FGF14: variants seen among roughly 807,000 people sequenced by gnomAD.
The protein encoded by FGF14 is fibroblast growth factor 14.
FGF14 carries 5 observed loss-of-function variants against 25.5 expected under a neutral mutation model. The ratio of observed to expected loss-of-function variants is 0.20; its 90% confidence interval spans 0.10 to 0.41. The LOEUF (loss-of-function observed/expected upper bound fraction) is 0.41. FGF14 is among the 10% of genes least tolerant of loss of function. The probability of loss-of-function intolerance (pLI) is 1.00; values close to 1 mark genes in which losing one functional copy is unlikely to be tolerated. For synonymous variants in FGF14, 138 were observed against 118.3 expected (o/e 1.17, Z -1.08); for missense variants, 222 against 320.1 (o/e 0.69, Z 2.34).
chr13:102,354,771 G>C (rs377496656), intron 1 of FGF14, among the ~76,000 whole-genome samples: 2 of 152,156 alleles, frequency 1.3e-5, no homozygotes, highest in South Asian at 4.1e-4. Flanking sequence ...CAATATTGTT[G>C]AAAGAATCAT....
At chr13:101,992,363 C>G (rs2038958464) in intron 1 of FGF14, among the ~76,000 whole-genome samples, 1 of 152,060 alleles carries the variant, frequency 6.6e-6, no homozygotes, top group African/African-American at 2.4e-5. Context: ...ATTAAAGGGC[C>G]ATTGACTCCA....
At chr13:101,993,890 T>C (rs1421163799) in intron 1 of FGF14, among the ~76,000 whole-genome samples, 3 of 151,804 alleles carry the variant, frequency 2.0e-5, no homozygotes, top group African/African-American at 7.3e-5. Flanking sequence ...CTGCACATTG[T>C]GCACATGTAC....
chr13:101,906,984 A>C (rs1157795868), intron 1 of FGF14, among the ~76,000 whole-genome samples: 1 of 152,138 alleles, frequency 6.6e-6, no homozygotes, highest in Non-Finnish European at 1.5e-5. Context: ...TTTCTACATA[A>C]TGCTTAAACT....
chr13:102,130,067 G>A (rs528867617), intron 1 of FGF14, among the ~76,000 whole-genome samples: 40 of 152,140 alleles, frequency 2.6e-4, no homozygotes, highest in Non-Finnish European at 4.9e-4. Context: ...GTAGAACCTT[G>A]AATAGTAGTC....
At chr13:102,135,050 C>T (rs1232862988) in intron 1 of FGF14, among the ~76,000 whole-genome samples, 1 of 150,488 alleles carries the variant, frequency 6.6e-6, no homozygotes, top group Non-Finnish European at 1.5e-5. Flanking sequence ...CACACACACA[C>T]ACACACACAC....
At chr13:102,030,204 A>G (rs1040124081) in intron 1 of FGF14, among the ~76,000 whole-genome samples, 42 of 152,080 alleles carry the variant, frequency 2.8e-4, no homozygotes, top group African/African-American at 9.9e-4. Context: ...TTGTTTTTAG[A>G]TAATCTTATT....
intron 3 of FGF14, among the ~76,000 whole-genome samples, chr13:101,822,702 TCAAA>T (rs1031264905): frequency 5.3e-5 from 8 of 152,170 alleles, no homozygotes; most frequent in African/African-American, 1.7e-4. Flanking sequence ...ATTCATGACC[TCAAA>T]CATTCATCAT....
At chr13:102,159,770 G>C (rs1485260570) in intron 1 of FGF14, among the ~76,000 whole-genome samples, 1 of 152,126 alleles carries the variant, frequency 6.6e-6, no homozygotes, top group Non-Finnish European at 1.5e-5. Context: ...TGAATTTCTA[G>C]TGATGCTTTA....
chr13:101,816,269 CAAAA>C (rs58615099), intron 3 of FGF14, among the ~76,000 whole-genome samples: 2 of 89,048 alleles, frequency 2.2e-5, no homozygotes, highest in East Asian at 3.5e-4. Context: ...GACTCCGTCT[CAAAA>C]AAAAAAAAAA....
intron 1 of FGF14, among the ~76,000 whole-genome samples, chr13:102,348,828 G>A (rs927345347): frequency 6.6e-6 from 1 of 152,106 alleles, no homozygotes; most frequent in South Asian, 2.1e-4. Flanking sequence ...CATCAGACAC[G>A]GGACCACTTT....
intron 1 of FGF14, among the ~76,000 whole-genome samples, chr13:101,994,741 T>C (rs1205724222): frequency 1.3e-5 from 2 of 152,094 alleles, no homozygotes; most frequent in African/African-American, 4.8e-5. Flanking sequence ...AAACACATTC[T>C]GCTAAATTAA....
At chr13:102,161,573 GA>G (rs377102698) in intron 1 of FGF14, among the ~76,000 whole-genome samples, 1,182 of 5,222 alleles carry the variant, frequency 0.23, 129 homozygotes, top group Non-Finnish European at 0.32. Context: ...TGTGAAGAAA[GA>G]AAGAAGAAGA....
At chr13:101,789,007 T>C (rs2040078477) in intron 3 of FGF14, among the ~76,000 whole-genome samples, 3 of 148,280 alleles carry the variant, frequency 2.0e-5, no homozygotes, top group Non-Finnish European at 4.5e-5. Flanking sequence ...TGTACATTTA[T>C]TATAAGATTA....
intron 1 of FGF14, among the ~76,000 whole-genome samples, chr13:102,044,495 C>T (rs1239429601): frequency 2.0e-5 from 3 of 151,868 alleles, no homozygotes; most frequent in Admixed American, 6.6e-5. Context: ...GCCAGATCAT[C>T]GATCTGTTGA....
At chr13:102,060,157 C>CAA (rs199958869) in intron 1 of FGF14, among the ~76,000 whole-genome samples, 13,536 of 143,460 alleles carry the variant, frequency 0.094, 752 homozygotes, top group African/African-American at 0.15. Flanking sequence ...TGCAAATATT[C>CAA]AAAAAAAAAA....
At chr13:102,049,336 A>T (rs999589084) in intron 1 of FGF14, among the ~76,000 whole-genome samples, 6 of 152,178 alleles carry the variant, frequency 3.9e-5, no homozygotes, top group African/African-American at 1.4e-4. Context: ...TCAAATTTTT[A>T]TTGACTTTAA....
At chr13:102,216,699 A>C (rs2050387616) in intron 1 of FGF14, among the ~76,000 whole-genome samples, 1 of 152,108 alleles carries the variant, frequency 6.6e-6, no homozygotes, top group African/African-American at 2.4e-5. Context: ...TCAAACATAC[A>C]ACATATCATT....
chr13:101,966,360 G>A (rs530856143), intron 1 of FGF14, among the ~76,000 whole-genome samples: 3 of 152,212 alleles, frequency 2.0e-5, no homozygotes, highest in Non-Finnish European at 4.4e-5. Context: ...AAGACCAATG[G>A]CCACTTGCAG....
chr13:102,208,323 C>T (rs544894402), intron 1 of FGF14, among the ~76,000 whole-genome samples: 3 of 152,290 alleles, frequency 2.0e-5, no homozygotes, highest in South Asian at 4.1e-4. Flanking sequence ...TGTTCAGGAG[C>T]ATTTGTGTTG....
Sources: allele counts gnomAD v4.1 joint callset (sites outside exome capture counted in the v4.1 genomes callset), GRCh38; gene constraint gnomAD v4.1.1; transcripts MANE v1.5; gene names NCBI Gene and HGNC (gene_info 2026-07-23, HGNC 2026-07-21).